TYW1B: variants seen among roughly 807,000 people sequenced by gnomAD.
The protein encoded by TYW1B is tRNA-yW synthesizing protein 1 homolog B.
TYW1B carries 73 observed loss-of-function variants against 86.9 expected under a neutral mutation model. The observed-to-expected ratio is 0.84, with a 90% confidence interval of 0.70 to 1.02. The LOEUF (loss-of-function observed/expected upper bound fraction) is 1.02, where lower values mean the gene tolerates loss of function less well. TYW1B is among the 50% of genes least tolerant of loss of function. TYW1B has a pLI of 0.00. For missense variants in TYW1B, 637 were observed against 827.4 expected (o/e 0.77, Z 2.82); for synonymous variants, 248 against 292.8 (o/e 0.85, Z 1.56).
At chr7:72,817,303 G>A (rs1352862600) in intron 2 of TYW1B, among the ~76,000 whole-genome samples, 3 of 152,056 alleles carry the variant, frequency 2.0e-5, no homozygotes, top group African/African-American at 7.3e-5. Flanking sequence ...ACCTACCTGG[G>A]AGGCTGAGGG....
chr7:72,815,068 C>CAAAAAAAAA (rs576240918), intron 3 of TYW1B, among the ~76,000 whole-genome samples: 1 of 73,122 alleles, frequency 1.4e-5, no homozygotes, highest in Non-Finnish European at 2.8e-5. Context: ...GACTCCATCT[C>CAAAAAAAAA]AAAAAAAAAA....
At chr7:72,813,976 T>C (rs1217035058) in intron 3 of TYW1B, among the ~76,000 whole-genome samples, 3 of 149,472 alleles carry the variant, frequency 2.0e-5, no homozygotes, top group African/African-American at 4.9e-5. Flanking sequence ...GATCACACCA[T>C]TGCACTCCAG....
chr7:72,641,936 A>G (rs189183617), intron 11 of TYW1B, among the ~76,000 whole-genome samples: 200 of 152,330 alleles, frequency 1.3e-3, no homozygotes, highest in African/African-American at 4.5e-3. Flanking sequence ...AATAATTTGA[A>G]AAAGAAGAAA....
intron 1 of TYW1B, 136 bp from the exon 2 acceptor site, chr7:72,827,121 C>A (rs1190474298): frequency 1.9e-5 from 23 of 1,241,732 alleles, no homozygotes; most frequent in Admixed American, 2.9e-5. Flanking sequence ...TAAAAATCAA[C>A]TGTTGGCCGG....
intron 8 of TYW1B, among the ~76,000 whole-genome samples, chr7:72,731,716 G>C (rs1210151555): frequency 6.6e-6 from 1 of 152,104 alleles, no homozygotes; most frequent in Admixed American, 6.6e-5. Context: ...GGCTGAGGCA[G>C]GGGGATCACG....
chr7:72,704,433 TAA>T lies in TYW1B; in HGVS notation c.1370+9186_1370+9187del, dbSNP rs1162253814. ...TAGGAGACAGAATGAGATTCTATCT[TAA>T]AAAAAAAAAAAAAAAAAAAAAAGTC... On this transcript the variant is annotated intron_variant, in intron 10 of 13. Coordinates refer to ENST00000620995, the MANE Select transcript of TYW1B (RefSeq NM_001145440.3). 3.9e-3 allele frequency among the ~76,000 whole-genome samples: 364 copies of T among 93,206 alleles called. 2 individuals are homozygous for T. The highest frequency in any genetic ancestry group is 9.4e-3 in the African/African-American group (220 of 23,474). The allele number at this position is 93,206 out of a possible 152,430, so 61.1% of individuals were successfully genotyped here.
chr7:72,825,261 GT>G (rs1178785032), intron 2 of TYW1B, among the ~76,000 whole-genome samples: 2 of 152,050 alleles, frequency 1.3e-5, no homozygotes, highest in Non-Finnish European at 2.9e-5. Flanking sequence ...GCCAGACACT[GT>G]TCCCCCCCAA....
chr7:72,625,160 C>G (rs1812314172), intron 12 of TYW1B, among the ~76,000 whole-genome samples: 1 of 152,006 alleles, frequency 6.6e-6, no homozygotes, highest in Non-Finnish European at 1.5e-5. Context: ...AGATTTTTGC[C>G]TATTTTCAAT....
intron 11 of TYW1B, among the ~76,000 whole-genome samples, chr7:72,657,137 C>T (rs1813222931): frequency 6.6e-6 from 1 of 152,128 alleles, no homozygotes; most frequent in Admixed American, 6.5e-5. Context: ...ATCAACAATA[C>T]AAAGATACAG....
chr7:72,705,274 T>C (rs572987942), intron 10 of TYW1B, among the ~76,000 whole-genome samples: 7 of 152,326 alleles, frequency 4.6e-5, no homozygotes, highest in Admixed American at 2.0e-4. Context: ...AGACATCCAG[T>C]TTATAGAGGT....
In TYW1B at chr7:72,816,570, A is replaced by G. The variant is rs13307765; in HGVS notation, c.136-1089T>C. On this transcript the variant is annotated intron_variant, in intron 2 of 13. Transcript: ENST00000620995. ...ATATCTTTTGTACGCTAATGAGATG[A>G]CTTACTGGGGTGAGGCCTCAGGTAG... Among the ~76,000 whole-genome samples the G allele has an allele frequency of 3.9e-5, 6 of 152,278 alleles. No individual in the cohort carries two copies. In the South Asian group the frequency reaches 8.3e-4, roughly 21 times the overall value.
chr7:72,797,921 C>A (rs1413476073), intron 6 of TYW1B, among the ~76,000 whole-genome samples: 1 of 151,802 alleles, frequency 6.6e-6, no homozygotes, highest in African/African-American at 2.4e-5. Context: ...TTGAATTGAA[C>A]TACAGGATAC....
intron 13 of TYW1B, among the ~76,000 whole-genome samples, chr7:72,596,179 C>CAA (rs58325295): frequency 8.6e-3 from 476 of 55,326 alleles, no homozygotes; most frequent in Middle Eastern, 0.013. Context: ...AACTCTGTCT[C>CAA]AAAAAAAAAA....
In TYW1B at chr7:72,828,194, G is replaced by A. The variant is rs879948856; in HGVS notation, c.-119C>T. Reference sequence around the variant, plus strand: ...GTTAGCGCCGTACCGAGTGGCTGCAGAACTGTGGGCAGCTACGACGCTGCC... The same window carrying A: ...GTTAGCGCCGTACCGAGTGGCTGCAAAACTGTGGGCAGCTACGACGCTGCC... On this transcript the variant is annotated 5_prime_UTR_variant, in exon 1 of 14. Coordinates refer to ENST00000620995, the MANE Select transcript of TYW1B (RefSeq NM_001145440.3). 5 of 1,552,008 alleles carry A rather than the reference G, an allele frequency of 3.2e-6. No homozygotes were observed. The highest frequency in any genetic ancestry group is 4.4e-6 in the Non-Finnish European group (5 of 1,142,448).
chr7:72,720,667 C>T (rs1164925033), intron 9 of TYW1B, among the ~76,000 whole-genome samples: 1 of 152,144 alleles, frequency 6.6e-6, no homozygotes, highest in African/African-American at 2.4e-5. Context: ...CTCCCAAAAA[C>T]AAAGCCTCAA....
At chr7:72,759,820 C>G (rs919201588) in intron 7 of TYW1B, among the ~76,000 whole-genome samples, 1 of 152,110 alleles carries the variant, frequency 6.6e-6, no homozygotes, top group African/African-American at 2.4e-5. Context: ...AACTTTGACA[C>G]CTTTTAGAAA....
intron 11 of TYW1B, among the ~76,000 whole-genome samples, chr7:72,637,128 A>T (rs1169445929): frequency 8.5e-5 from 13 of 152,278 alleles, no homozygotes; most frequent in African/African-American, 3.1e-4. Flanking sequence ...CCATCTCAAA[A>T]AAAAATTATT....
At chr7:72,666,423 C>T (rs1238495397) in intron 11 of TYW1B, among the ~76,000 whole-genome samples, 1 of 151,868 alleles carries the variant, frequency 6.6e-6, no homozygotes, top group Admixed American at 6.6e-5. Flanking sequence ...AAAACCCTGT[C>T]TCAAAAAAAA....
At chr7:72,664,124 C>T (rs1813403187) in intron 11 of TYW1B, among the ~76,000 whole-genome samples, 1 of 152,108 alleles carries the variant, frequency 6.6e-6, no homozygotes, top group African/African-American at 2.4e-5. Flanking sequence ...GACCCTTCCT[C>T]CCAAGATGAC....
Sources: gnomAD v4.1 joint callset for allele counts (sites outside exome capture counted in the v4.1 genomes callset) on GRCh38, gnomAD v4.1.1 for gene constraint, MANE v1.5 for transcripts, NCBI Gene and HGNC (gene_info 2026-07-23, HGNC 2026-07-21) for gene names.